The following P3H2 variants were observed in gnomAD, a reference collection of about 807,000 sequenced individuals.
The protein encoded by P3H2 is prolyl 3-hydroxylase 2, also known as leprecan-like 1.
In P3H2, 80 loss-of-function variants were observed where a neutral mutation model predicts 87.0. The observed-to-expected ratio is 0.92, with a 90% CI of 0.77 to 1.11. The LOEUF is 1.11. P3H2 is among the 50% of genes least tolerant of loss of function. The pLI, the probability that P3H2 is intolerant of heterozygous loss-of-function variation, is 0.00. For synonymous variants in P3H2, 367 were observed against 359.3 expected (o/e 1.02, Z -0.24); for missense variants, 1,001 against 923.9 (o/e 1.08, Z -1.08).
intron 1 of P3H2, among the ~76,000 whole-genome samples, chr3:190,044,675 A>G (rs894796338): frequency 1.3e-5 from 2 of 152,226 alleles, no homozygotes; most frequent in Non-Finnish European, 2.9e-5. Context: ...CAGAAAATAC[A>G]ATGGTACAAG....
rs371440903 is a variant in P3H2, at chr3:190,050,631, ATTTG to A, written c.481-55193_481-55190del. On this transcript the variant is annotated intron_variant, in intron 1 of 14. Coordinates refer to ENST00000319332, the MANE Select transcript of P3H2 (RefSeq NM_018192.4). Reference sequence around the variant, plus strand: ...TCTACAGTTCTATATCTGTATGATCATTTGTTTGTGTATATATGAGTTTTTTGAG... The same window carrying A: ...TCTACAGTTCTATATCTGTATGATCATTTGTGTATATATGAGTTTTTTGAG... Among the ~76,000 whole-genome samples, 1,049 of 152,244 alleles carry A rather than the reference ATTTG, an allele frequency of 6.9e-3. 16 individuals are homozygous for A. The highest frequency in any genetic ancestry group is 0.025 in the African/African-American group (1,021 of 41,556).
rs551971496 is a variant in P3H2 at position 190,000,861 on chromosome 3, T to C, written c.481-5419A>G. ...CAGTAAAAAATGTTAAGGAGGGATA[T>C]AATCAGATCTGATACACATTTTAAA... On this transcript the variant is annotated intron_variant, in intron 1 of 14. Coordinates refer to ENST00000319332, the MANE Select transcript of P3H2 (RefSeq NM_018192.4). Among the ~76,000 whole-genome samples the C allele has an allele frequency of 7.9e-5, 12 of 152,302 alleles. No individual in the cohort carries two copies. The South Asian group carries it at 2.5e-3, about 32-fold the overall frequency.
chr3:190,030,197 A>T (rs779169982), intron 1 of P3H2, among the ~76,000 whole-genome samples: 2 of 152,208 alleles, frequency 1.3e-5, no homozygotes, highest in Admixed American at 6.5e-5. Context: ...TGAACACATG[A>T]TCTTTATAAG....
In P3H2 at chr3:189,978,891, A is replaced by G. The variant is rs543443808; in HGVS notation, c.1324+4155T>C. Among the ~76,000 whole-genome samples the G allele has an allele frequency of 1.9e-3, 285 of 152,298 alleles. 1 individual carries two copies. The highest frequency in any genetic ancestry group is 6.5e-3 in the African/African-American group (270 of 41,568). ...TGATGGCTTCAGCCAATTCTTAACC[A>G]CAGCCCAAGAAGATTTAGTCAAACA... On this transcript the variant is annotated intron_variant, in intron 8 of 14. Coordinates refer to ENST00000319332, the MANE Select transcript of P3H2 (RefSeq NM_018192.4).
In P3H2 at chr3:189,978,582, T is replaced by C. The variant is rs545628201; in HGVS notation, c.1325-3897A>G. On this transcript the variant is annotated intron_variant, in intron 8 of 14. Transcript: ENST00000319332. ...GGAGAATCTGCATTAGAAATATGCC[T>C]TTCATGTAGCTAACATAATCATTAA... Among the ~76,000 whole-genome samples, 5 of 152,274 alleles carry C rather than the reference T, an allele frequency of 3.3e-5. No homozygotes were observed. The South Asian group carries it at 1.0e-3, about 32-fold the overall frequency.
At chr3:189,987,111 A>G (rs1330773822) in intron 5 of P3H2, among the ~76,000 whole-genome samples, 1 of 152,210 alleles carries the variant, frequency 6.6e-6, no homozygotes, top group Non-Finnish European at 1.5e-5. Flanking sequence ...ACCTTTGCTA[A>G]ATTGTTAGAC....
chr3:189,966,123 A>AAAAGAAAGAAAGAAAGAAAGAAAG (rs34608513), intron 13 of P3H2, among the ~76,000 whole-genome samples: 5 of 102,192 alleles, frequency 4.9e-5, no homozygotes, highest in Admixed American at 4.0e-4. Flanking sequence ...GAAAGAAAGA[A>AAAAGAAAGAAAGAAAGAAAGAAAG]AAAGAAAGAA....
intron 1 of P3H2, among the ~76,000 whole-genome samples, chr3:189,997,788 T>A (rs1444785363): frequency 1.3e-5 from 2 of 152,204 alleles, no homozygotes; most frequent in African/African-American, 4.8e-5. Flanking sequence ...GATTTCATCT[T>A]TCTCAACTTT....
chr3:190,066,158 T>TATACACACACACACACACACAC (rs1256956930), intron 1 of P3H2, among the ~76,000 whole-genome samples: 1 of 134,600 alleles, frequency 7.4e-6, no homozygotes, highest in African/African-American at 3.1e-5. Flanking sequence ...TATATATATA[T>TATACACACACACACACACACAC]ACACACACAC....
chr3:190,096,329 T>G (rs1359917168), intron 1 of P3H2, among the ~76,000 whole-genome samples: 1 of 152,198 alleles, frequency 6.6e-6, no homozygotes, highest in African/African-American at 2.4e-5. Context: ...CTTGCTGTTC[T>G]CATGATAGTG....
intron 1 of P3H2, among the ~76,000 whole-genome samples, chr3:190,037,255 A>G (rs1270539693): frequency 1.3e-5 from 2 of 152,120 alleles, no homozygotes; most frequent in Non-Finnish European, 2.9e-5. Flanking sequence ...GAATTCTGAC[A>G]CTGCCTTCCC....
intron 6 of P3H2, 23 bp from the exon 7 acceptor site, chr3:189,984,613 A>C (rs1168230220): frequency 6.3e-7 from 1 of 1,583,000 alleles, no homozygotes; most frequent in South Asian, 1.1e-5. Flanking sequence ...GAGTAAAAAA[A>C]AAAATGCAGT....
rs767881057 is a variant in P3H2 at position 189,995,411 on chromosome 3, G to C, written c.512C>G (p.Ala171Gly). The change falls in exon 2 of 15, where the codon GCT (alanine) becomes GGT (glycine). Residue 171 changes from alanine to glycine, a missense_variant. Ala to Gly is a moderately conservative substitution (Grantham distance 60). Transcript: ENST00000319332. ...AGGGTTAGCCACGAAAAATGTGTGA[G>C]CTGCTTCCACTGCTTTTTCGAGCTG... ...LNQLEKAVEA[A>G]HTFFVANPEH... 2.9e-5 allele frequency: 47 copies of C among 1,613,802 alleles called. No individual in the cohort carries two copies. The highest frequency in any genetic ancestry group is 3.8e-5 in the Non-Finnish European group (45 of 1,180,006).
At chr3:190,069,661 TAG>T (rs1726630154) in intron 1 of P3H2, among the ~76,000 whole-genome samples, 2 of 151,940 alleles carry the variant, frequency 1.3e-5, no homozygotes, top group Admixed American at 1.3e-4. Flanking sequence ...AACAAACAAA[TAG>T]AGAGAAAATG....
chr3:189,974,639 C>A lies in P3H2; in HGVS notation c.1371G>T (p.Glu457Asp), dbSNP rs777587498. The A allele has an allele frequency of 1.9e-5, 31 of 1,614,044 alleles. No individual in the cohort carries two copies. Among genetic ancestry groups the A allele is most frequent in the Non-Finnish European group, 2.5e-5 (30 of 1,180,034 alleles). Residue 457 changes from glutamate (E) to aspartate (D), a missense_variant, in exon 9 of 15, where the codon GAG becomes GAT. By Grantham distance (45) the Glu-to-Asp change is conservative. Transcript: ENST00000319332. ...YENITFVYNS[E>D]QLNGTQRVLL... ...GAACCCGCTGAGTCCCGTTCAGCTG[C>A]TCCGAGTTGTAGACGAATGTGATGT...
intron 8 of P3H2, among the ~76,000 whole-genome samples, chr3:189,978,925 C>A (rs1723436995): frequency 6.6e-6 from 1 of 152,154 alleles, no homozygotes; most frequent in South Asian, 2.1e-4. Flanking sequence ...CAAGTTAATT[C>A]TTCCCTCGTT....
At chr3:190,067,229 T>C (rs539332861) in intron 1 of P3H2, among the ~76,000 whole-genome samples, 1 of 152,084 alleles carries the variant, frequency 6.6e-6, no homozygotes, top group East Asian at 1.9e-4. Context: ...ATGATTTGAG[T>C]CTAATCCATC....
intron 13 of P3H2, among the ~76,000 whole-genome samples, chr3:189,970,282 A>G (rs932395428): frequency 2.9e-5 from 4 of 140,226 alleles, no homozygotes; most frequent in African/African-American, 1.0e-4. Context: ...GTGTGTATAT[A>G]TATTATATAT....
chr3:189,962,697 C>T (rs1722853840), intron 14 of P3H2, among the ~76,000 whole-genome samples: 1 of 152,150 alleles, frequency 6.6e-6, no homozygotes. Flanking sequence ...AATAGCTCTT[C>T]TGTACAATAA....
Sources: allele counts gnomAD v4.1 joint callset (sites outside exome capture counted in the v4.1 genomes callset), GRCh38; gene constraint gnomAD v4.1.1; transcripts MANE v1.5; gene names NCBI Gene and HGNC (gene_info 2026-07-23, HGNC 2026-07-21).